Variants in ETS1 observed in about 807,000 individuals in gnomAD.
ETS1 encodes protein C-ets-1.
A neutral mutation model predicts 58.6 loss-of-function variants in ETS1; 15 were observed. The ratio of observed to expected loss-of-function variants is 0.26; its 90% CI spans 0.17 to 0.39. The LOEUF is 0.39. Among genes scored for constraint, ETS1 ranks in the 10% least tolerant of loss-of-function variants. The pLI, the probability that ETS1 is intolerant of heterozygous loss-of-function variation, is 1.00. For missense variants in ETS1, 417 were observed against 610.5 expected (o/e 0.68, Z 3.34); for synonymous variants, 214 against 218.2 (o/e 0.98, Z 0.17).
chr11:128,542,355 A>C (rs1240950048), intron 3 of ETS1, among the ~76,000 whole-genome samples: 5 of 152,218 alleles, frequency 3.3e-5, no homozygotes, highest in Non-Finnish European at 1.5e-5. Flanking sequence ...GGGAGGAGGA[A>C]GAGCAGGAAG....
At chr11:128,568,755 C>A (rs1004299700) in intron 2 of ETS1, among the ~76,000 whole-genome samples, 1 of 152,274 alleles carries the variant, frequency 6.6e-6, no homozygotes, top group Non-Finnish European at 1.5e-5. Flanking sequence ...GGCATTCTTC[C>A]GCAGCAAATG....
chr11:128,572,306 C>T (rs1050704190), intron 2 of ETS1: 3 of 151,222 alleles, frequency 2.0e-5, no homozygotes, highest in African/African-American at 4.8e-5. Context: ...CTTATCTGTC[C>T]GTATTTCACT....
At chr11:128,496,690 T>C (rs1862951290) in intron 3 of ETS1, among the ~76,000 whole-genome samples, 1 of 152,178 alleles carries the variant, frequency 6.6e-6, no homozygotes, top group South Asian at 2.1e-4. Flanking sequence ...AAAGACAGTC[T>C]CTATTGCCCT....
intron 2 of ETS1, among the ~76,000 whole-genome samples, chr11:128,568,530 A>G (rs7944145): frequency 0.88 from 133,796 of 152,234 alleles, 59,084 homozygotes; most frequent in African/African-American, 0.96. Context: ...CCACACAATG[A>G]CCAGACAACT....
chr11:128,580,448 T>C (rs1008332947), intron 1 of ETS1, among the ~76,000 whole-genome samples: 24 of 152,162 alleles, frequency 1.6e-4, no homozygotes, highest in Non-Finnish European at 2.9e-4. Flanking sequence ...CTCTAAGAAC[T>C]CAGGTTTAAG....
chr11:128,560,018 C>T (rs1177684672), intron 2 of ETS1, among the ~76,000 whole-genome samples: 1 of 152,230 alleles, frequency 6.6e-6, no homozygotes, highest in Non-Finnish European at 1.5e-5. Flanking sequence ...GACAGGTTCT[C>T]ACTCACCCAT....
Position 128,514,397 on chromosome 11 carries a change from A to C in ETS1, c.215-23821T>G, listed in dbSNP as rs186362790. 1.0e-3 allele frequency among the ~76,000 whole-genome samples: 157 copies of C among 151,294 alleles called. 1 individual carries two copies. Among genetic ancestry groups the C allele is most frequent in the Middle Eastern group, 3.5e-3 (1 of 288 alleles). The stretch of plus-strand genomic sequence containing the variant: ...CTTCCTTCCTTCATCCCTTTCTACA[A>C]GTAAGTTTTTTTTCCTTCATGTTTA... On this transcript the variant is annotated intron_variant, in intron 3 of 9. Coordinates refer to ENST00000392668, the MANE Select transcript of ETS1 (RefSeq NM_001143820.2).
chr11:128,517,712 G>A (rs551833475), intron 3 of ETS1, among the ~76,000 whole-genome samples: 146 of 152,222 alleles, frequency 9.6e-4, no homozygotes, highest in African/African-American at 3.3e-3. Context: ...AGACTCTCCT[G>A]AAAAATCCTG....
chr11:128,512,908 T>C (rs568330049), intron 3 of ETS1, among the ~76,000 whole-genome samples: 8 of 152,388 alleles, frequency 5.2e-5, no homozygotes, highest in Non-Finnish European at 1.0e-4. Context: ...CTGGACTAGC[T>C]GCTTCACCTA....
At chr11:128,483,501 T>C (rs1862545085) in intron 7 of ETS1, among the ~76,000 whole-genome samples, 1 of 152,174 alleles carries the variant, frequency 6.6e-6, no homozygotes, top group Non-Finnish European at 1.5e-5. Flanking sequence ...CTTGTGTGTA[T>C]GTATTTAAAT....
At chr11:128,469,713 T>C (rs1034137304) in intron 8 of ETS1, among the ~76,000 whole-genome samples, 3 of 152,228 alleles carry the variant, frequency 2.0e-5, no homozygotes, top group Admixed American at 6.5e-5. Context: ...GAAACTGTAT[T>C]GCTGGACTGA....
chr11:128,575,950 A>T (rs982505973), intron 1 of ETS1, among the ~76,000 whole-genome samples: 3 of 152,094 alleles, frequency 2.0e-5, no homozygotes, highest in Admixed American at 2.0e-4. Context: ...GCCAGACAAC[A>T]CTCCCCCTCA....
At chr11:128,577,884 C>A (rs1322855973) in intron 1 of ETS1, among the ~76,000 whole-genome samples, 1 of 146,852 alleles carries the variant, frequency 6.8e-6, no homozygotes, top group East Asian at 2.0e-4. Flanking sequence ...GCAGTTGTCA[C>A]GTGGGAGGGA....
intron 8 of ETS1, among the ~76,000 whole-genome samples, chr11:128,475,715 C>T (rs1433970469): frequency 1.3e-5 from 2 of 152,058 alleles, no homozygotes; most frequent in African/African-American, 4.8e-5. Flanking sequence ...CCACGCCCAG[C>T]TAGTTTTTTG....
chr11:128,545,664 T>A (rs1339730859), intron 3 of ETS1, among the ~76,000 whole-genome samples: 1 of 152,234 alleles, frequency 6.6e-6, no homozygotes, highest in African/African-American at 2.4e-5. Context: ...GGAATAAGAT[T>A]ACTAGAATTA....
intron 3 of ETS1, among the ~76,000 whole-genome samples, chr11:128,502,092 A>G (rs1222829537): frequency 6.6e-6 from 1 of 152,224 alleles, no homozygotes; most frequent in Non-Finnish European, 1.5e-5. Flanking sequence ...AACAATGGCT[A>G]CAGACAAAGT....
chr11:128,509,585 A>C (rs1223373758), intron 3 of ETS1, among the ~76,000 whole-genome samples: 2 of 140,954 alleles, frequency 1.4e-5, no homozygotes, highest in African/African-American at 5.3e-5. Flanking sequence ...TTACTTTCCC[A>C]CTACTAACAC....
chr11:128,534,277 A>G (rs576790848), intron 3 of ETS1, among the ~76,000 whole-genome samples: 2 of 152,328 alleles, frequency 1.3e-5, no homozygotes, highest in Admixed American at 6.5e-5. Flanking sequence ...TGTTTTTAGG[A>G]AGACTCACCA....
In ETS1 at chr11:128,486,092, C is replaced by T. The variant is rs745555780; in HGVS notation, c.590G>A (p.Arg197His). 6 of 1,610,322 alleles carry T rather than the reference C, an allele frequency of 3.7e-6. No individual in the cohort carries two copies. The Admixed American group carries it at 5.0e-5, about 13-fold the overall frequency. ...NGVNPAYPES[R>H]YTSDYFISYG... The stretch of plus-strand genomic sequence containing the variant: ...ACTAATGAAGTAATCCGAGGTATAG[C>T]GGGATTCTGGATAGGCTGGGTTGAC... Residue 197 changes from arginine to histidine, a missense_variant, in exon 6 of 10, where the codon CGC becomes CAC. Physicochemically the swap from Arg to His is conservative, Grantham distance 29. Transcript: ENST00000392668.
Sources: allele counts gnomAD v4.1 joint callset (sites outside exome capture counted in the v4.1 genomes callset), GRCh38; gene constraint gnomAD v4.1.1; transcripts MANE v1.5; gene names NCBI Gene and HGNC (gene_info 2026-07-23, HGNC 2026-07-21).